Variants in MORC1 observed in about 807,000 individuals in gnomAD.
The protein encoded by MORC1 is MORC family CW-type zinc finger 1.
In MORC1, 59 loss-of-function variants were observed where a neutral mutation model predicts 134.9. That is an observed-to-expected ratio of 0.44 (90% CI 0.35 to 0.54). MORC1 has a LOEUF of 0.54. MORC1 is among the 20% of genes least tolerant of loss of function. The probability of loss-of-function intolerance (pLI) is 0.00; values close to 1 mark genes in which losing one functional copy is unlikely to be tolerated. For synonymous variants in MORC1, 395 were observed against 391.7 expected (o/e 1.01, Z -0.10); for missense variants, 947 against 1,134.5 (o/e 0.83, Z 2.37).
Position 108,986,860 on chromosome 3 carries a change from A to G in MORC1, c.2257+20T>C, listed in dbSNP as rs989512153. The G allele has an allele frequency of 7.0e-7, 1 of 1,436,318 alleles. No individual in the cohort carries two copies. Among genetic ancestry groups the G allele is most frequent in the Non-Finnish European group, 9.4e-7 (1 of 1,067,910 alleles). The allele number at this position is 1,436,318 out of a possible 1,614,324, so 89.0% of individuals were successfully genotyped here. A position where few individuals can be genotyped will look rare whatever the true frequency, so the allele number is the denominator to read the frequency against. On this transcript the variant is annotated intron_variant, in intron 22 of 27. Transcript: ENST00000232603. Reference sequence around the variant, plus strand: ...CATTATAGCTAATATATATATATACATGAGCTGATTTTTTTTTACCTTGGT... The same window carrying G: ...CATTATAGCTAATATATATATATACGTGAGCTGATTTTTTTTTACCTTGGT...
At position 108,969,678 on chromosome 3, in the gene MORC1, A is replaced by G; in HGVS notation, c.2595T>C (p.Cys865=). 1 of 1,613,702 alleles carries G rather than the reference A, an allele frequency of 6.2e-7. No individual in the cohort carries two copies. Among genetic ancestry groups the G allele is most frequent in the East Asian group, 2.2e-5 (1 of 44,834 alleles). Reference sequence around the variant, plus strand: ...CTGAAAGGAAGCTTACCTGGTTGAAACACATTTTCAGCTTTTTGTTCATCT... The same window carrying G: ...CTGAAAGGAAGCTTACCTGGTTGAAGCACATTTTCAGCTTTTTGTTCATCT... ...PEQMNKKLKM[C]FNQIQNTYMV... Residue 865 remains cysteine, a synonymous_variant, in exon 26 of 28, where the codon TGT becomes TGC. Transcript: ENST00000232603.
chr3:109,069,156 A>AAAC (rs1186417055), intron 9 of MORC1, among the ~76,000 whole-genome samples: 1 of 152,208 alleles, frequency 6.6e-6, no homozygotes, highest in Non-Finnish European at 1.5e-5. Context: ...CTCTGTCTCA[A>AAAC]AACAACAACA....
Position 109,035,363 on chromosome 3 carries a change from C to CGTA in MORC1, c.1435_1436insTAC (p.Gly479delinsValArg). On this transcript the variant is annotated protein_altering_variant, in exon 15 of 28. Transcript: ENST00000232603. The stretch of plus-strand genomic sequence containing the variant: ...ACCACATTGTATGATGAATGGGATA[C>CGTA]CCATGGCTTGTCTTCTTTGATATTG... 1.3e-6 allele frequency: 2 copies of CGTA among 1,590,628 alleles called. No individual in the cohort carries two copies. Among genetic ancestry groups the CGTA allele is most frequent in the African/African-American group, 1.4e-5 (1 of 73,774 alleles).
At chr3:109,027,531 C>T (rs371496436) in intron 17 of MORC1, among the ~76,000 whole-genome samples, 159 of 150,794 alleles carry the variant, frequency 1.1e-3, no homozygotes, top group African/African-American at 3.8e-3. Context: ...CATGCATTGT[C>T]GTATAGATGG....
chr3:109,065,831 C>T (rs545197059), intron 9 of MORC1, among the ~76,000 whole-genome samples: 11 of 152,268 alleles, frequency 7.2e-5, no homozygotes, highest in Middle Eastern at 3.4e-3. Context: ...GAAGACTACA[C>T]AGCCATAAAA....
chr3:109,069,634 G>A lies in MORC1; in HGVS notation c.813C>T (p.Pro271=). 1 of 1,577,236 alleles carries A rather than the reference G, an allele frequency of 6.3e-7. No individual in the cohort carries two copies. The highest frequency in any genetic ancestry group is 8.6e-7 in the Non-Finnish European group (1 of 1,158,396). Residue 271 remains proline, a splice_region_variant and synonymous_variant, in exon 9 of 28, where the codon CCC becomes CCT. Coordinates refer to ENST00000232603, the MANE Select transcript of MORC1 (RefSeq NM_014429.4). ...ATAACTGAAGAAAGATGAGTTACCTGGGTCTGTAGAGGCAATAGCAAAGAT... is the reference window on the plus strand; with the variant it reads ...ATAACTGAAGAAAGATGAGTTACCTAGGTCTGTAGAGGCAATAGCAAAGAT... ...TKHLCYCLYR[P]RKYLYVTSSF... is the part of the protein sequence containing the mutation.
chr3:109,063,397 G>T (rs1213607981), intron 9 of MORC1, among the ~76,000 whole-genome samples, 166 bp from the exon 10 acceptor site: 3 of 152,124 alleles, frequency 2.0e-5, no homozygotes, highest in Admixed American at 6.5e-5. Flanking sequence ...ATACCTAAGT[G>T]AATTTCCTTG....
At position 109,093,534 on chromosome 3, in the gene MORC1, C is replaced by T. The variant is rs1950769179; in HGVS notation, c.591G>A (p.Leu197=). 1 of 1,609,702 alleles carries T rather than the reference C, an allele frequency of 6.2e-7. No individual in the cohort carries two copies. The highest frequency in any genetic ancestry group is 1.1e-5 in the South Asian group (1 of 90,926). The change falls in exon 8 of 28, where the codon TTG becomes TTA. Residue 197 remains leucine, a synonymous_variant. Coordinates refer to ENST00000232603, the MANE Select transcript of MORC1 (RefSeq NM_014429.4). ...GAAGCTTCAAGTTATAAATAACCAG[C>T]AAAGTACCTGGTAGAAAAATAGATG... ...FDVIYGKCGT[L]LVIYNLKLLL...
chr3:108,977,227 C>A lies in MORC1; in HGVS notation c.2477+2288G>T, dbSNP rs77464386. On this transcript the variant is annotated intron_variant, in intron 24 of 27. Transcript: ENST00000232603. Reference sequence around the variant, plus strand: ...GAGACTTGTAATGTGTTAGTTCCTCCAAGTTTCAGTCTCCTCATCCATACA... The same window carrying A: ...GAGACTTGTAATGTGTTAGTTCCTCAAAGTTTCAGTCTCCTCATCCATACA... Among the ~76,000 whole-genome samples, 1,258 of 152,232 alleles carry A rather than the reference C, an allele frequency of 8.3e-3. 17 individuals are homozygous for A. Among genetic ancestry groups the A allele is most frequent in the African/African-American group, 0.028 (1,172 of 41,512 alleles).
intron 16 of MORC1, among the ~76,000 whole-genome samples, chr3:109,032,361 G>A (rs1949260087): frequency 1.3e-5 from 2 of 152,182 alleles, no homozygotes; most frequent in East Asian, 3.9e-4. Context: ...CGGTCTAACA[G>A]TTTAATGCCC....
intron 22 of MORC1, among the ~76,000 whole-genome samples, chr3:108,985,656 A>T (rs1210110912): frequency 6.6e-6 from 1 of 152,178 alleles, no homozygotes; most frequent in Non-Finnish European, 1.5e-5. Flanking sequence ...TTTTAACCCA[A>T]CAGCTAACTA....
intron 1 of MORC1, among the ~76,000 whole-genome samples, chr3:109,115,674 A>C (rs1032883441): frequency 7.2e-5 from 11 of 152,244 alleles, no homozygotes; most frequent in African/African-American, 2.7e-4. Context: ...AGTAATTCTG[A>C]CCAAAAATGT....
intron 14 of MORC1, among the ~76,000 whole-genome samples, chr3:109,050,018 G>A (rs1478392491): frequency 7.2e-5 from 11 of 151,974 alleles, no homozygotes; most frequent in Non-Finnish European, 1.5e-5. Context: ...ATACCTGGGG[G>A]GGCTGCCATT....
At chr3:108,966,872 C>A (rs2107371596) in intron 26 of MORC1, among the ~76,000 whole-genome samples, 1 of 152,098 alleles carries the variant, frequency 6.6e-6, no homozygotes, top group South Asian at 2.1e-4. Flanking sequence ...GGAACAGAGG[C>A]CTGTGAGGAA....
chr3:108,996,286 G>GCACACACACACA lies in MORC1; in HGVS notation c.2187+4259_2187+4270dup, dbSNP rs66629906. On this transcript the variant is annotated intron_variant, in intron 21 of 27. Coordinates refer to ENST00000232603, the MANE Select transcript of MORC1 (RefSeq NM_014429.4). ...CATGTGCGCGTGCGTGCGCGCGCGC[G>GCACACACACACA]CACACACACACACACACACACAACT... Among the ~76,000 whole-genome samples the GCACACACACACA allele has an allele frequency of 6.6e-3, 964 of 146,456 alleles. 3 individuals carry two copies. The highest frequency in any genetic ancestry group is 0.01 in the Non-Finnish European group (675 of 66,530).
At chr3:109,006,963 A>G in intron 18 of MORC1, 66 bp downstream of exon 18, 1 of 1,361,432 alleles carries the variant, frequency 7.3e-7, no homozygotes, top group South Asian at 1.4e-5. Flanking sequence ...TTGGCCCTTG[A>G]TAAGGCTTCT....
At chr3:109,115,916 G>A (rs1404604308) in intron 1 of MORC1, among the ~76,000 whole-genome samples, 1 of 152,114 alleles carries the variant, frequency 6.6e-6, no homozygotes, top group African/African-American at 2.4e-5. Flanking sequence ...GGTAGGGAAA[G>A]CACCTCTTGG....
chr3:109,071,782 G>A (rs965552440), intron 8 of MORC1, among the ~76,000 whole-genome samples: 1 of 152,186 alleles, frequency 6.6e-6, no homozygotes, highest in South Asian at 2.1e-4. Flanking sequence ...AGCCCAGCAT[G>A]TAGCGAAGTT....
intron 23 of MORC1, among the ~76,000 whole-genome samples, chr3:108,980,719 T>C (rs1947694091): frequency 6.6e-6 from 1 of 152,236 alleles, no homozygotes; most frequent in Admixed American, 6.5e-5. Context: ...CAAGAGACTT[T>C]TAAACTAAAG....
Sources: gnomAD v4.1 joint callset for allele counts (sites outside exome capture counted in the v4.1 genomes callset) on GRCh38, gnomAD v4.1.1 for gene constraint, MANE v1.5 for transcripts, NCBI Gene and HGNC (gene_info 2026-07-23, HGNC 2026-07-21) for gene names.